Variants in HADHA observed in about 807,000 individuals in gnomAD.
HADHA encodes trifunctional enzyme subunit alpha, mitochondrial.
In HADHA, 59 loss-of-function variants were observed where a neutral mutation model predicts 91.3. The ratio of observed to expected loss-of-function variants is 0.65; its 90% CI spans 0.52 to 0.80. HADHA has a LOEUF of 0.80. HADHA is among the 30% of genes least tolerant of loss of function. The pLI, the probability that HADHA is intolerant of heterozygous loss-of-function variation, is 0.00. For missense variants in HADHA, 800 were observed against 927.6 expected (o/e 0.86, Z 1.79); for synonymous variants, 320 against 338.9 (o/e 0.94, Z 0.61).
chr2:26,240,102 T>C (rs1670855683), intron 1 of HADHA, among the ~76,000 whole-genome samples: 1 of 152,244 alleles, frequency 6.6e-6, no homozygotes, highest in Admixed American at 6.5e-5. Context: ...TCGGATTCTG[T>C]CTACAGTGAT....
chr2:26,191,544 G>C lies in HADHA; in HGVS notation c.2085C>G (p.Ala695=). The C allele has an allele frequency of 6.2e-7, 1 of 1,614,142 alleles. No individual in the cohort carries two copies. The highest frequency in any genetic ancestry group is 8.5e-7 in the Non-Finnish European group (1 of 1,180,008). The change falls in exon 19 of 20, where the codon GCC becomes GCG. Residue 695 remains alanine, a synonymous_variant. Transcript: ENST00000380649. The part of the protein sequence containing the change: ...AVMCLQEGIL[A]TPAEGDIGAV... ...CTCCGATGTCTCCCTCTGCAGGTGT[G>C]GCCAAGATCCCCTCTTGCAGGCACA...
rs977772877 is a variant in HADHA at position 26,191,099 on chromosome 2, T to A, written c.*151A>T. On this transcript the variant is annotated 3_prime_UTR_variant, in exon 20 of 20. Transcript: ENST00000380649. Reference sequence around the variant, plus strand: ...ACACTTCACCAGGAGGGAGAGATGGTCTTGGCTGAAGGCACTTTAATCAGG... The same window carrying A: ...ACACTTCACCAGGAGGGAGAGATGGACTTGGCTGAAGGCACTTTAATCAGG... The A allele has an allele frequency of 1.8e-5, 13 of 740,462 alleles. No homozygotes were observed. The highest frequency in any genetic ancestry group is 2.8e-5 in the Non-Finnish European group (12 of 422,588). The allele number at this position is 740,462 out of a possible 1,614,324, so 45.9% of individuals were successfully genotyped here. A position where few individuals can be genotyped will look rare whatever the true frequency, so the allele number is the denominator to read the frequency against.
chr2:26,242,063 G>C (rs1670908530), intron 1 of HADHA, among the ~76,000 whole-genome samples: 1 of 152,058 alleles, frequency 6.6e-6, no homozygotes, highest in Admixed American at 6.6e-5. Flanking sequence ...CACCACACCT[G>C]GCCAATTCTG....
At chr2:26,241,488 A>AC (rs1670887859) in intron 1 of HADHA, among the ~76,000 whole-genome samples, 2 of 151,734 alleles carry the variant, frequency 1.3e-5, no homozygotes, top group African/African-American at 4.8e-5. Context: ...AAAAAAAAAA[A>AC]AACAAAAAAA....
chr2:26,195,290 CAT>C, intron 14 of HADHA, 58 bp from the exon 15 acceptor site: 1 of 1,400,490 alleles, frequency 7.1e-7, no homozygotes, highest in African/African-American at 1.4e-5. Context: ...AACCTGAGAG[CAT>C]TCCTTCTCTG....
chr2:26,236,204 C>A (rs928365313), intron 4 of HADHA, among the ~76,000 whole-genome samples: 1 of 151,830 alleles, frequency 6.6e-6, no homozygotes, highest in African/African-American at 2.4e-5. Context: ...TGTGAATAGT[C>A]CACATTTTAC....
chr2:26,244,520 C>G lies in HADHA; in HGVS notation c.67+10G>C. 6.4e-7 allele frequency: 1 copy of G among 1,571,792 alleles called. No homozygotes were observed. The highest frequency in any genetic ancestry group is 8.6e-7 in the Non-Finnish European group (1 of 1,157,922). ...CCCGGAGGTCTGGGATGCCCTCGGC[C>G]AGGCCTCACCTCGGGAGCGGAGGAT... On this transcript the variant is annotated intron_variant, in intron 1 of 19. Coordinates refer to ENST00000380649, the MANE Select transcript of HADHA (RefSeq NM_000182.5).
At chr2:26,236,685 G>C (rs1166019089) in intron 4 of HADHA, among the ~76,000 whole-genome samples, 170 bp downstream of exon 4, 1 of 152,042 alleles carries the variant, frequency 6.6e-6, no homozygotes, top group Non-Finnish European at 1.5e-5. Flanking sequence ...AAAGTGCTGG[G>C]ATTACAGGCA....
At chr2:26,234,670 G>A (rs1426974841) in intron 4 of HADHA, among the ~76,000 whole-genome samples, 2 of 151,784 alleles carry the variant, frequency 1.3e-5, no homozygotes, top group Non-Finnish European at 2.9e-5. Flanking sequence ...GGAGGCTGAG[G>A]CAGGAGAACA....
chr2:26,225,846 G>A (rs1160643910), intron 7 of HADHA, among the ~76,000 whole-genome samples: 1 of 152,036 alleles, frequency 6.6e-6, no homozygotes, highest in African/African-American at 2.4e-5. Context: ...CTTAGACATT[G>A]TGGTAAGTCA....
intron 11 of HADHA, among the ~76,000 whole-genome samples, chr2:26,207,276 G>A (rs1574611440): frequency 6.8e-6 from 1 of 147,568 alleles, no homozygotes; most frequent in Admixed American, 6.8e-5. Context: ...TCTTATTTAT[G>A]ATAATTTTTT....
chr2:26,244,307 T>C (rs1574631472), intron 1 of HADHA, among the ~76,000 whole-genome samples: 1 of 152,150 alleles, frequency 6.6e-6, no homozygotes, highest in Non-Finnish European at 1.5e-5. Context: ...CTCAGAAAGT[T>C]GGGGAGTTAG....
intron 14 of HADHA, among the ~76,000 whole-genome samples, chr2:26,196,874 T>G (rs961008861): frequency 1.3e-5 from 2 of 152,198 alleles, no homozygotes; most frequent in African/African-American, 4.8e-5. Context: ...CGGCTGCAAC[T>G]TCTCCCTATG....
chr2:26,244,478 T>C, intron 1 of HADHA, 52 bp downstream of exon 1: 1 of 1,540,344 alleles, frequency 6.5e-7, no homozygotes, highest in Non-Finnish European at 8.8e-7. Context: ...GCCACCCCAG[T>C]CCCGGCAGGA....
Position 26,197,762 on chromosome 2 carries a change from A to C in HADHA, c.1408T>G (p.Cys470Gly), listed in dbSNP as rs1558316663. ...KEVEAVIPDH[C>G]IFASNTSALP... is the part of the protein sequence containing the mutation. ...GCAGATGTGTTACTGGCAAAGATAC[A>C]GTGATCTGGAATCACCTGCAGGGGA... Residue 470 changes from cysteine (C) to glycine (G), a missense_variant, in exon 14 of 20, where the codon TGT becomes GGT. By Grantham distance (159) the Cys-to-Gly change is radical. Transcript: ENST00000380649. 5 of 1,524,652 alleles carry C rather than the reference A, an allele frequency of 3.3e-6. No individual in the cohort carries two copies. Among genetic ancestry groups the C allele is most frequent in the Non-Finnish European group, 4.6e-6 (5 of 1,098,280 alleles). 94.4% of individuals were successfully genotyped at this position (1,524,652 alleles called of 1,614,324 possible).
At chr2:26,224,473 A>T (rs943191639) in intron 7 of HADHA, among the ~76,000 whole-genome samples, 10 of 152,236 alleles carry the variant, frequency 6.6e-5, no homozygotes, top group African/African-American at 2.4e-4. Context: ...GAATATATAT[A>T]ATTAACCAAA....
chr2:26,220,484 T>C (rs1415621322), intron 7 of HADHA, among the ~76,000 whole-genome samples: 2 of 152,192 alleles, frequency 1.3e-5, no homozygotes, highest in African/African-American at 4.8e-5. Flanking sequence ...TGATTCCCAC[T>C]TCATTCTCAT....
intron 13 of HADHA, 142 bp downstream of exon 13, chr2:26,201,007 T>C (rs1669817407): frequency 9.7e-6 from 7 of 723,612 alleles, no homozygotes; most frequent in South Asian, 4.6e-5. Context: ...ACTGGGATTA[T>C]AGGCGTGAGC....
At chr2:26,219,461 A>G (rs184908039) in intron 7 of HADHA, among the ~76,000 whole-genome samples, 2 of 152,354 alleles carry the variant, frequency 1.3e-5, no homozygotes, top group East Asian at 3.9e-4. Flanking sequence ...AAGCAGGAAG[A>G]AGAAAAAAGG....
Sources: allele counts gnomAD v4.1 joint callset (sites outside exome capture counted in the v4.1 genomes callset), GRCh38; gene constraint gnomAD v4.1.1; transcripts MANE v1.5; gene names NCBI Gene and HGNC (gene_info 2026-07-23, HGNC 2026-07-21).